PLA2G4D: variants seen among roughly 807,000 people sequenced by gnomAD.
The protein encoded by PLA2G4D is cytosolic phospholipase A2 delta.
Under a neutral mutation model 94.4 loss-of-function variants are expected in PLA2G4D, and 80 were observed. The ratio of observed to expected loss-of-function variants is 0.85; its 90% CI spans 0.71 to 1.02. The LOEUF (loss-of-function observed/expected upper bound fraction) is 1.02, where lower values mean the gene tolerates loss of function less well. Ranked by LOEUF, PLA2G4D falls within the 50% of genes least tolerant of loss-of-function variation. The pLI, the probability that PLA2G4D is intolerant of heterozygous loss-of-function variation, is 0.00. For missense variants in PLA2G4D, 1,050 were observed against 1,034.7 expected, an observed-to-expected ratio of 1.01 and a Z score of -0.20; for synonymous variants, 438 against 440.9, an observed-to-expected ratio of 0.99 and a Z score of 0.08.
At position 42,086,260 on chromosome 15, in the gene PLA2G4D, C is replaced by T. The variant is rs770491684; in HGVS notation, c.340G>A (p.Val114Ile). Residue 114 changes from valine to isoleucine, a missense_variant, in exon 4 of 20, where the codon GTC becomes ATC. Val to Ile is a conservative substitution (Grantham distance 29, BLOSUM62 3). Transcript: ENST00000290472. ...CFKVLYDISE[V>I]LPGKLLRKTF... ...TTCCGGAGCAGCTTGCCAGGGAGGACTTCTGAGATGTCATAGAGAACCTTG... is the reference window on the plus strand; with the variant it reads ...TTCCGGAGCAGCTTGCCAGGGAGGATTTCTGAGATGTCATAGAGAACCTTG... 7.0e-7 allele frequency: 1 copy of T among 1,426,604 alleles called. No homozygotes were observed. The highest frequency in any genetic ancestry group is 9.3e-7 in the Non-Finnish European group (1 of 1,073,660). 88.4% of individuals were successfully genotyped at this position (1,426,604 alleles called of 1,614,324 possible). A position where few individuals can be genotyped will look rare whatever the true frequency, so the allele number is the denominator to read the frequency against.
At chr15:42,092,951 G>A (rs1048819881) in intron 1 of PLA2G4D, among the ~76,000 whole-genome samples, 14 of 152,178 alleles carry the variant, frequency 9.2e-5, no homozygotes, top group Admixed American at 4.6e-4. Flanking sequence ...CCCTGTGGTG[G>A]GGCAATGCAG....
In PLA2G4D at chr15:42,068,825, G is replaced by A. The variant is rs780695430; in HGVS notation, c.2347C>T (p.Arg783Trp). 4 of 1,613,830 alleles carry A rather than the reference G, an allele frequency of 2.5e-6. No individual in the cohort carries two copies. Among genetic ancestry groups the A allele is most frequent in the Middle Eastern group, 1.6e-4 (1 of 6,062 alleles). ...YKEEDFERLLRLSDYNVQTSQ... is the reference protein window; with the variant it reads ...YKEEDFERLLWLSDYNVQTSQ... ...GTCTGCACGTTGTAGTCACTGAGCCGCAGCAGGCGCTCGAAGTCTTCCTCC... is the reference window on the plus strand; with the variant it reads ...GTCTGCACGTTGTAGTCACTGAGCCACAGCAGGCGCTCGAAGTCTTCCTCC... Residue 783 changes from arginine to tryptophan, a missense_variant, in exon 20 of 20, where the codon CGG becomes TGG. Physicochemically the swap from Arg to Trp is moderately radical, Grantham distance 101. Transcript: ENST00000290472.
chr15:42,073,292 C>T (rs1479106624), intron 13 of PLA2G4D, among the ~76,000 whole-genome samples: 1 of 152,254 alleles, frequency 6.6e-6, no homozygotes, highest in African/African-American at 2.4e-5. Flanking sequence ...AGGCACCATG[C>T]CTGGCCCAAG....
At chr15:42,073,831 C>A (rs754234489) in intron 13 of PLA2G4D, among the ~76,000 whole-genome samples, 2 of 152,178 alleles carry the variant, frequency 1.3e-5, no homozygotes, top group Non-Finnish European at 2.9e-5. Context: ...ACATCCATGG[C>A]GAAACTCAAC....
Position 42,069,850 on chromosome 15 carries a change from G to A in PLA2G4D, c.2230+59C>T, listed in dbSNP as rs908529551. 7 of 1,298,238 alleles carry A rather than the reference G, an allele frequency of 5.4e-6. No homozygotes were observed. The South Asian group carries it at 7.4e-5, about 14-fold the overall frequency. 80.4% of individuals were successfully genotyped at this position (1,298,238 alleles called of 1,614,324 possible). ...CTTCCCTCTGCTGGGCAGCCGGGGG[G>A]CCCAGGGCAGGCCTCTGAGGGGCCA... On this transcript the variant is annotated intron_variant, in intron 19 of 19. Coordinates refer to ENST00000290472, the MANE Select transcript of PLA2G4D (RefSeq NM_178034.4).
intron 13 of PLA2G4D, among the ~76,000 whole-genome samples, chr15:42,075,024 A>G (rs1399592171): frequency 6.6e-6 from 1 of 152,176 alleles, no homozygotes; most frequent in Non-Finnish European, 1.5e-5. Flanking sequence ...CCCATGTTCA[A>G]GCTATCCTCC....
At chr15:42,087,493 G>T (rs1250602680) in intron 2 of PLA2G4D, 57 bp from the exon 3 acceptor site, 5 of 1,610,736 alleles carry the variant, frequency 3.1e-6, no homozygotes, top group Non-Finnish European at 3.4e-6. Flanking sequence ...CTCTCCATGA[G>T]CCATGCCAGT....
rs773474954 is a variant in PLA2G4D, at chr15:42,069,946, C to T, written c.2193G>A (p.Pro731=). The change falls in exon 19 of 20, where the codon CCG becomes CCA. Residue 731 remains proline, a synonymous_variant. Coordinates refer to ENST00000290472, the MANE Select transcript of PLA2G4D (RefSeq NM_178034.4). ...CPEAPILLHF[P]LVNASFKDHS... ...GGTCCTTGAAGGAGGCATTGACCAG[C>T]GGGAAGTGCAGCAGGATCGGGGCCT... is the stretch of plus-strand genomic sequence containing the variant. 15 of 1,448,968 alleles carry T rather than the reference C, an allele frequency of 1.0e-5. No individual in the cohort carries two copies. The African/African-American group carries it at 1.1e-4, about 10-fold the overall frequency. The allele number at this position is 1,448,968 out of a possible 1,614,324, so 89.8% of individuals were successfully genotyped here.
intron 1 of PLA2G4D, among the ~76,000 whole-genome samples, chr15:42,093,533 C>T (rs560714345): frequency 4.6e-5 from 7 of 152,316 alleles, no homozygotes; most frequent in East Asian, 3.9e-4. Flanking sequence ...TCCAAATGTC[C>T]GCTGATGTCT....
Position 42,071,517 on chromosome 15 carries a change from C to T in PLA2G4D, c.1608G>A (p.Leu536=). 6.2e-7 allele frequency: 1 copy of T among 1,613,926 alleles called. No homozygotes were observed. The highest frequency in any genetic ancestry group is 1.7e-5 in the Admixed American group (1 of 59,988). The change falls in exon 16 of 20, where the codon CTG becomes CTA. Residue 536 remains leucine (L), a synonymous_variant. Coordinates refer to ENST00000290472, the MANE Select transcript of PLA2G4D (RefSeq NM_178034.4). ...IWSNIFSLNL[L]DAWYDLTSSG... ...AACTGGTGAGGTCATACCAGGCATC[C>T]AGCAGGTTCAGGGAGAAAATGTTGC...
Position 42,071,573 on chromosome 15 carries a change from C to A in PLA2G4D, c.1574-22G>T, listed in dbSNP as rs1414791882. 3.1e-6 allele frequency: 5 copies of A among 1,594,032 alleles called. 1 individual carries two copies. On this transcript the variant is annotated intron_variant, in intron 15 of 19. Transcript: ENST00000290472. ...ATGGCTGAGGAACACCAAAAGAGAT[C>A]AGCCTCAGGCCCCAGCCAGCGGCCC...
rs775698902 is a variant in PLA2G4D, at chr15:42,087,617, C to T, written c.118+11G>A. 18 of 1,613,862 alleles carry T rather than the reference C, an allele frequency of 1.1e-5. No homozygotes were observed. The highest frequency in any genetic ancestry group is 1.6e-4 in the Middle Eastern group (1 of 6,082). On this transcript the variant is annotated intron_variant, in intron 2 of 19. Coordinates refer to ENST00000290472, the MANE Select transcript of PLA2G4D (RefSeq NM_178034.4). ...CCTGCTCCCGACAGAGCGCACAGGG[C>T]GGTTACTCACACAGGTCAGCCCAGC...
At position 42,071,544 on chromosome 15, in the gene PLA2G4D, C is replaced by G. The variant is rs1889818329; in HGVS notation, c.1581G>C (p.Trp527Cys). ...GCAGGTTCAGGGAGAAAATGTTGCT[C>G]CAGATGGCTGAGGAACACCAAAAGA... ...EPRICFLEAI[W>C]SNIFSLNLLD... Residue 527 changes from tryptophan (W) to cysteine (C), a missense_variant, in exon 16 of 20, where the codon TGG becomes TGC. Coordinates refer to ENST00000290472, the MANE Select transcript of PLA2G4D (RefSeq NM_178034.4). 6.2e-7 allele frequency: 1 copy of G among 1,612,830 alleles called. No individual in the cohort carries two copies. Among genetic ancestry groups the G allele is most frequent in the African/African-American group, 1.3e-5 (1 of 74,868 alleles).
chr15:42,081,853 ACT>A lies in PLA2G4D; in HGVS notation c.784-21_784-20del, dbSNP rs1566863574. ...CTGGGGCCTGAAATCAAAGCCAGAG[ACT>A]CTGCTCAGACCCTCCTAGACCCTAA... On this transcript the variant is annotated intron_variant, in intron 9 of 19. Coordinates refer to ENST00000290472, the MANE Select transcript of PLA2G4D (RefSeq NM_178034.4). 6.2e-7 allele frequency: 1 copy of A among 1,611,650 alleles called. No homozygotes were observed. The highest frequency in any genetic ancestry group is 8.5e-7 in the Non-Finnish European group (1 of 1,179,672).
At chr15:42,092,643 T>G (rs976586674) in intron 1 of PLA2G4D, among the ~76,000 whole-genome samples, 1 of 152,154 alleles carries the variant, frequency 6.6e-6, no homozygotes, top group Non-Finnish European at 1.5e-5. Context: ...CAGTCACCTG[T>G]AGGATCCCCC....
intron 13 of PLA2G4D, among the ~76,000 whole-genome samples, chr15:42,075,551 C>A (rs926268049): frequency 2.0e-5 from 3 of 152,164 alleles, no homozygotes; most frequent in Non-Finnish European, 4.4e-5. Context: ...AAAATCCCAA[C>A]AACATTTATT....
chr15:42,071,662 C>A, intron 15 of PLA2G4D, 111 bp from the exon 16 acceptor site: 2 of 1,345,862 alleles, frequency 1.5e-6, no homozygotes, highest in Non-Finnish European at 2.1e-6. Context: ...GCATCCCCCC[C>A]GCCACCCCTC....
In PLA2G4D at chr15:42,082,304, A is replaced by G. The variant is rs989378174; in HGVS notation, c.758T>C (p.Val253Ala). ...ATTTGGAGCAGGAACATCCATAGTC[A>G]CCTCCTTCCCAATGGTCAAGGGCCT... ...PLRPLTIGKE[V>A]TMDVPAPNAP... Residue 253 changes from valine (V) to alanine (A), a missense_variant, in exon 9 of 20, where the codon GTG becomes GCG. Coordinates refer to ENST00000290472, the MANE Select transcript of PLA2G4D (RefSeq NM_178034.4). 7 of 1,613,576 alleles carry G rather than the reference A, an allele frequency of 4.3e-6. 1 individual carries two copies. The highest frequency in any genetic ancestry group is 4.2e-6 in the Non-Finnish European group (5 of 1,179,898).
In PLA2G4D at chr15:42,073,318, G is replaced by A. The variant is rs576151299; in HGVS notation, c.1318-926C>T. Among the ~76,000 whole-genome samples the A allele has an allele frequency of 2.7e-4, 41 of 152,320 alleles. No individual in the cohort carries two copies. In the South Asian group the frequency reaches 8.1e-3, roughly 30 times the overall value. On this transcript the variant is annotated intron_variant, in intron 13 of 19. Transcript: ENST00000290472. The stretch of plus-strand genomic sequence containing the variant: ...CTGGCCCAAGCTCTTTGATGGCAAC[G>A]ACTATAGCTTGCCTTTTGGGGGAGC...
Sources: gnomAD v4.1 joint callset for allele counts (sites outside exome capture counted in the v4.1 genomes callset) on GRCh38, gnomAD v4.1.1 for gene constraint, MANE v1.5 for transcripts, NCBI Gene and HGNC (gene_info 2026-07-23, HGNC 2026-07-21) for gene names.